PDZRN3: variants seen among roughly 807,000 people sequenced by gnomAD.
PDZRN3 encodes PDZ domain containing ring finger 3, also known as E3 ubiquitin-protein ligase PDZRN3.
In PDZRN3, 38 loss-of-function variants were observed where a neutral mutation model predicts 85.7. The observed-to-expected ratio is 0.44, with a 90% CI of 0.34 to 0.58. The LOEUF (loss-of-function observed/expected upper bound fraction) is 0.58. Ranked by LOEUF, PDZRN3 falls within the 20% of genes least tolerant of loss-of-function variation. The probability of loss-of-function intolerance (pLI) is 0.01; values close to 1 mark genes in which losing one functional copy is unlikely to be tolerated. For synonymous variants in PDZRN3, 759 were observed against 638.0 expected (o/e 1.19, Z -2.86); for missense variants, 1,629 against 1,506.4 (o/e 1.08, Z -1.35).
At chr3:73,514,566 T>C (rs1321205162) in intron 3 of PDZRN3, among the ~76,000 whole-genome samples, 1 of 152,182 alleles carries the variant, frequency 6.6e-6, no homozygotes, top group African/African-American at 2.4e-5. Context: ...TTCCAGTATA[T>C]ATGATGTAAG....
chr3:73,486,032 G>A (rs1343138100), intron 3 of PDZRN3, among the ~76,000 whole-genome samples: 1 of 152,210 alleles, frequency 6.6e-6, no homozygotes, highest in African/African-American at 2.4e-5. Context: ...CATGGAATGC[G>A]GCTGAGCAGA....
chr3:73,492,270 T>G, intron 3 of PDZRN3, among the ~76,000 whole-genome samples: 1 of 152,298 alleles, frequency 6.6e-6, no homozygotes, highest in African/African-American at 2.4e-5. Flanking sequence ...AATGTGGATG[T>G]GCAGGCAGCT....
intron 3 of PDZRN3, among the ~76,000 whole-genome samples, chr3:73,585,808 GA>G (rs531986541): frequency 2.2e-4 from 33 of 152,278 alleles, no homozygotes; most frequent in Admixed American, 1.8e-3. Flanking sequence ...AGGCAGATAA[GA>G]TCCAAGTCAT....
At chr3:73,433,926 G>A (rs1465633039) in intron 3 of PDZRN3, 83 of 1,416,788 alleles carry the variant, frequency 5.9e-5, no homozygotes, top group East Asian at 3.0e-4. Context: ...ATGCACGCGC[G>A]TGCACACACA....
At chr3:73,599,272 A>G (rs914983709) in intron 3 of PDZRN3, among the ~76,000 whole-genome samples, 3 of 152,248 alleles carry the variant, frequency 2.0e-5, no homozygotes, top group African/African-American at 4.8e-5. Flanking sequence ...AGCCTTAAAG[A>G]GGAAGAAAAT....
chr3:73,591,719 T>G (rs1024092845), intron 3 of PDZRN3, among the ~76,000 whole-genome samples: 6 of 152,144 alleles, frequency 3.9e-5, no homozygotes, highest in Admixed American at 3.9e-4. Flanking sequence ...TTATCCACAT[T>G]TTACAGAAGA....
At chr3:73,439,228 G>T (rs952948813) in intron 3 of PDZRN3, among the ~76,000 whole-genome samples, 7 of 152,194 alleles carry the variant, frequency 4.6e-5, no homozygotes, top group Non-Finnish European at 8.8e-5. Flanking sequence ...TTCAGCATCA[G>T]ATACATACTG....
At chr3:73,452,707 T>A (rs1334811838) in intron 3 of PDZRN3, among the ~76,000 whole-genome samples, 2 of 152,150 alleles carry the variant, frequency 1.3e-5, no homozygotes, top group Non-Finnish European at 2.9e-5. Context: ...TTTTACTTGG[T>A]TTTAAGTTGT....
intron 3 of PDZRN3, among the ~76,000 whole-genome samples, chr3:73,416,892 T>TTTTTTTTTTG (rs1702100606): frequency 2.4e-5 from 3 of 124,988 alleles, no homozygotes; most frequent in African/African-American, 9.3e-5. Flanking sequence ...TTTTTTTTTT[T>TTTTTTTTTTG]TTTTTTTTTT....
At chr3:73,483,604 CAT>C (rs888329780) in intron 3 of PDZRN3, among the ~76,000 whole-genome samples, 3 of 152,128 alleles carry the variant, frequency 2.0e-5, no homozygotes, top group African/African-American at 7.2e-5. Context: ...ATGGAAGTGA[CAT>C]AAATTAATTG....
At chr3:73,415,268 G>C (rs980975841) in intron 3 of PDZRN3, among the ~76,000 whole-genome samples, 14 of 152,250 alleles carry the variant, frequency 9.2e-5, no homozygotes, top group Admixed American at 5.2e-4. Context: ...GGGAGGAAGA[G>C]AGGAGAGGGA....
chr3:73,478,651 G>C (rs774620384), intron 3 of PDZRN3, among the ~76,000 whole-genome samples: 2 of 152,112 alleles, frequency 1.3e-5, no homozygotes, highest in Non-Finnish European at 2.9e-5. Flanking sequence ...CGCCCAGTCC[G>C]TGGAAAAACT....
intron 3 of PDZRN3, among the ~76,000 whole-genome samples, chr3:73,563,468 T>C (rs907183177): frequency 2.0e-5 from 3 of 152,202 alleles, no homozygotes; most frequent in African/African-American, 4.8e-5. Context: ...TAAAACCTTA[T>C]ATTTTTTAAA....
intron 3 of PDZRN3, among the ~76,000 whole-genome samples, chr3:73,458,807 T>A (rs1258300049): frequency 6.6e-6 from 1 of 151,410 alleles, no homozygotes; most frequent in Non-Finnish European, 1.5e-5. Context: ...ATGGCCAATA[T>A]GGTGAAACCC....
intron 5 of PDZRN3, among the ~76,000 whole-genome samples, chr3:73,399,092 G>A (rs1701698606): frequency 6.6e-6 from 1 of 151,962 alleles, no homozygotes; most frequent in Non-Finnish European, 1.5e-5. Flanking sequence ...GGGGGCTGTA[G>A]GTTCCATCAG....
intron 2 of PDZRN3, among the ~76,000 whole-genome samples, chr3:73,606,949 C>G (rs772106175): frequency 6.6e-6 from 1 of 152,192 alleles, no homozygotes; most frequent in African/African-American, 2.4e-5. Context: ...ATCCCAGACT[C>G]AAGACTTAGG....
intron 3 of PDZRN3, among the ~76,000 whole-genome samples, chr3:73,533,757 G>A (rs1704714199): frequency 6.6e-6 from 1 of 152,070 alleles, no homozygotes; most frequent in Non-Finnish European, 1.5e-5. Flanking sequence ...AAAGAAATCA[G>A]CTATAGGTGT....
intron 3 of PDZRN3, among the ~76,000 whole-genome samples, chr3:73,600,345 T>TCTCTC (rs1702498619): frequency 7.0e-6 from 1 of 141,898 alleles, no homozygotes. Flanking sequence ...ACACTCTCTC[T>TCTCTC]CTCTCTCTCT....
At chr3:73,389,178 G>A (rs377304358) in intron 7 of PDZRN3, among the ~76,000 whole-genome samples, 1 of 152,008 alleles carries the variant, frequency 6.6e-6, no homozygotes, top group South Asian at 2.1e-4. Flanking sequence ...AGAAAGCTAA[G>A]CCTTGTGGAC....
Sources: gnomAD v4.1 joint callset for allele counts (sites outside exome capture counted in the v4.1 genomes callset) on GRCh38, gnomAD v4.1.1 for gene constraint, MANE v1.5 for transcripts, NCBI Gene and HGNC (gene_info 2026-07-23, HGNC 2026-07-21) for gene names.